The following SNX24 variants were observed in gnomAD, a reference collection of about 807,000 sequenced individuals.
The protein encoded by SNX24 is sorting nexin-24.
A neutral mutation model predicts 28.7 loss-of-function variants in SNX24; 22 were observed. The observed-to-expected ratio is 0.77, with a 90% confidence interval of 0.55 to 1.10. The LOEUF is 1.10. SNX24 is among the 50% of genes least tolerant of loss of function. The probability of loss-of-function intolerance (pLI) is 0.00; values close to 1 mark genes in which losing one functional copy is unlikely to be tolerated. For missense variants in SNX24, 221 were observed against 201.1 expected, an observed-to-expected ratio of 1.10 and a Z score of -0.60; for synonymous variants, 69 against 71.5, an observed-to-expected ratio of 0.96 and a Z score of 0.18.
intron 3 of SNX24, among the ~76,000 whole-genome samples, chr5:122,949,957 A>G (rs1172999881): frequency 6.6e-6 from 1 of 152,162 alleles, no homozygotes; most frequent in East Asian, 1.9e-4. Flanking sequence ...GTGAACCTTA[A>G]TTTTATTTCC....
chr5:122,877,985 A>G (rs71594310), intron 1 of SNX24, among the ~76,000 whole-genome samples: 10,802 of 151,908 alleles, frequency 0.071, 517 homozygotes, highest in Non-Finnish European at 0.11. Context: ...ACTCAACCTG[A>G]ATCTGGCTTT....
intron 1 of SNX24, among the ~76,000 whole-genome samples, chr5:122,852,228 G>A (rs144643017): frequency 1.3e-5 from 2 of 151,420 alleles, no homozygotes; most frequent in African/African-American, 4.8e-5. Flanking sequence ...GCTTTGTTAC[G>A]TAGGTAAACA....
intron 1 of SNX24, among the ~76,000 whole-genome samples, chr5:122,863,622 C>T (rs115144584): frequency 0.013 from 1,909 of 151,844 alleles, 44 homozygotes; most frequent in African/African-American, 0.044. Context: ...AGCCTTAATG[C>T]CCCAGGCTGA....
At chr5:123,021,056 G>T (rs1168781991) in intron 5 of SNX24, among the ~76,000 whole-genome samples, 3 of 151,926 alleles carry the variant, frequency 2.0e-5, no homozygotes, top group Non-Finnish European at 4.4e-5. Flanking sequence ...CACCCAGCCT[G>T]CCCATCACTG....
intron 3 of SNX24, among the ~76,000 whole-genome samples, chr5:122,951,592 C>G (rs1759945053): frequency 6.6e-6 from 1 of 152,268 alleles, no homozygotes; most frequent in South Asian, 2.1e-4. Context: ...GAGATGACTT[C>G]CTGTCTTCCC....
chr5:122,889,673 A>G (rs71594312), intron 1 of SNX24, among the ~76,000 whole-genome samples: 3,813 of 146,796 alleles, frequency 0.026, 69 homozygotes, highest in Non-Finnish European at 0.037. Context: ...GTATATATAT[A>G]TGTGTATATA....
intron 3 of SNX24, among the ~76,000 whole-genome samples, chr5:122,961,811 C>T (rs1471697264): frequency 2.0e-5 from 3 of 152,136 alleles, no homozygotes; most frequent in Non-Finnish European, 4.4e-5. Context: ...GGTTAGAAAT[C>T]CTGTAACCTA....
chr5:122,895,008 C>T (rs1757139960), intron 1 of SNX24, among the ~76,000 whole-genome samples: 1 of 144,450 alleles, frequency 6.9e-6, no homozygotes, highest in Non-Finnish European at 1.5e-5. Context: ...TTTAACAGTA[C>T]TTTTTTTTTT....
rs962925649 is a variant in SNX24 at position 123,008,635 on chromosome 5, T to C, written c.*886T>C. ...ATGCTTGCCCCGCTAGTGGCAGATG[T>C]GAACTGACAAGGAGTGAAGCGCCCA... On this transcript the variant is annotated 3_prime_UTR_variant, in exon 7 of 7. Transcript: ENST00000261369. The C allele has an allele frequency of 4.5e-5, 7 of 156,334 alleles. No individual in the cohort carries two copies. Among genetic ancestry groups the C allele is most frequent in the African/African-American group, 1.4e-4 (6 of 41,386 alleles). 9.7% of individuals were successfully genotyped at this position (156,334 alleles called of 1,614,324 possible).
At position 122,940,269 on chromosome 5, in the gene SNX24, C is replaced by T. The variant is rs899538017; in HGVS notation, c.144+3452C>T. ...TCTGCCTCCCAAAGTGCTAGAGTTA[C>T]AGGCATGAGCCACCGCGCCCAGACT... On this transcript the variant is annotated intron_variant, in intron 2 of 6. Transcript: ENST00000261369. 4.6e-5 allele frequency among the ~76,000 whole-genome samples: 7 copies of T among 152,132 alleles called. 1 individual carries two copies. The South Asian group carries it at 1.5e-3, about 32-fold the overall frequency.
At chr5:122,919,841 A>G (rs977399718) in intron 1 of SNX24, among the ~76,000 whole-genome samples, 3 of 152,062 alleles carry the variant, frequency 2.0e-5, no homozygotes, top group Non-Finnish European at 2.9e-5. Context: ...GGGCCCAACA[A>G]ACTCTTCCCA....
At chr5:123,014,323 T>G (rs891299367) in intron 5 of SNX24, among the ~76,000 whole-genome samples, 7 of 142,970 alleles carry the variant, frequency 4.9e-5, no homozygotes, top group African/African-American at 1.8e-4. Flanking sequence ...CACGCCACTG[T>G]GCCCAGCTGA....
chr5:122,988,556 A>G (rs1178792722), intron 3 of SNX24, among the ~76,000 whole-genome samples: 2 of 152,182 alleles, frequency 1.3e-5, no homozygotes, highest in African/African-American at 4.8e-5. Flanking sequence ...TTAAAGTAGA[A>G]TTGTATTTTT....
chr5:123,025,763 G>T (rs750032268), intron 5 of SNX24: 1 of 1,605,350 alleles, frequency 6.2e-7, no homozygotes, highest in African/African-American at 1.3e-5. Flanking sequence ...GCTTTGAAAG[G>T]AAAAAAATGT....
At chr5:122,890,806 A>G (rs949821054) in intron 1 of SNX24, among the ~76,000 whole-genome samples, 4 of 152,156 alleles carry the variant, frequency 2.6e-5, no homozygotes, top group Non-Finnish European at 5.9e-5. Context: ...TTATAGCCCT[A>G]TCTTGACAAT....
intron 3 of SNX24, among the ~76,000 whole-genome samples, chr5:122,948,328 C>A (rs1017931628): frequency 5.3e-5 from 8 of 152,116 alleles, no homozygotes; most frequent in Non-Finnish European, 7.3e-5. Context: ...ATGCTCAGGA[C>A]CAGTCTGAAA....
chr5:122,956,551 G>T (rs1760226251), intron 3 of SNX24, among the ~76,000 whole-genome samples: 1 of 152,224 alleles, frequency 6.6e-6, no homozygotes, highest in South Asian at 2.1e-4. Context: ...TAAGGTGTAT[G>T]CCCAGAAGTG....
chr5:122,986,817 G>A (rs1761622528), intron 3 of SNX24, among the ~76,000 whole-genome samples: 1 of 119,790 alleles, frequency 8.3e-6, no homozygotes, highest in South Asian at 3.1e-4. Flanking sequence ...AGATGGAAAG[G>A]TGAAGAGACA....
At chr5:122,909,515 G>A (rs542133789) in intron 1 of SNX24, among the ~76,000 whole-genome samples, 1 of 152,302 alleles carries the variant, frequency 6.6e-6, no homozygotes, top group East Asian at 1.9e-4. Context: ...GTATCAGAGT[G>A]GAAAGAGCTG....
Sources: gnomAD v4.1 joint callset for allele counts (sites outside exome capture counted in the v4.1 genomes callset) on GRCh38, gnomAD v4.1.1 for gene constraint, MANE v1.5 for transcripts, NCBI Gene and HGNC (gene_info 2026-07-23, HGNC 2026-07-21) for gene names.